GCLC: variants seen among roughly 807,000 people sequenced by gnomAD.
GCLC encodes glutamate-cysteine ligase catalytic subunit, also known as glutamate--cysteine ligase catalytic subunit.
GCLC carries 30 observed loss-of-function variants against 81.5 expected under a neutral mutation model. That is an observed-to-expected ratio of 0.37 (90% confidence interval 0.28 to 0.50). The LOEUF (loss-of-function observed/expected upper bound fraction) is 0.50, where lower values mean the gene tolerates loss of function less well. GCLC is among the 20% of genes least tolerant of loss of function. The pLI is 0.96. For synonymous variants in GCLC, 262 were observed against 273.3 expected (o/e 0.96, Z 0.41); for missense variants, 556 against 777.4 (o/e 0.72, Z 3.39).
chr6:53,521,519 C>A (rs1762994686), intron 2 of GCLC, among the ~76,000 whole-genome samples: 1 of 152,148 alleles, frequency 6.6e-6, no homozygotes, highest in Non-Finnish European at 1.5e-5. Flanking sequence ...AACTAACCTA[C>A]TCTGCAGAGA....
Position 53,498,567 on chromosome 6 carries a change from C to T in GCLC, c.*189G>A. On this transcript the variant is annotated 3_prime_UTR_variant, in exon 16 of 16. Coordinates refer to ENST00000650454, the MANE Select transcript of GCLC (RefSeq NM_001498.4). ...TACATTGTTAATCAAAAATACTTTA[C>T]TATGTACATGTACACTGTATAAACT... is the stretch of plus-strand genomic sequence containing the variant. 3 of 599,156 alleles carry T rather than the reference C, an allele frequency of 5.0e-6. No homozygotes were observed. Among genetic ancestry groups the T allele is most frequent in the South Asian group, 4.0e-5 (2 of 49,716 alleles). The allele number at this position is 599,156 out of a possible 1,614,324, so 37.1% of individuals were successfully genotyped here. A position where few individuals can be genotyped will look rare whatever the true frequency, so the allele number is the denominator to read the frequency against.
chr6:53,533,784 CT>C (rs1194565307), intron 1 of GCLC, among the ~76,000 whole-genome samples: 1 of 149,516 alleles, frequency 6.7e-6, no homozygotes, highest in Non-Finnish European at 1.5e-5. Flanking sequence ...AATTTAAGTT[CT>C]GTTTTTCTTT....
intron 15 of GCLC, among the ~76,000 whole-genome samples, chr6:53,499,318 C>T (rs1404695089): frequency 6.6e-6 from 1 of 152,136 alleles, no homozygotes; most frequent in African/African-American, 2.4e-5. Context: ...ACTACAAATG[C>T]CAGTGTCATG....
At chr6:53,502,113 A>G (rs528219448) in intron 12 of GCLC, among the ~76,000 whole-genome samples, 6 of 152,342 alleles carry the variant, frequency 3.9e-5, no homozygotes, top group African/African-American at 7.2e-5. Flanking sequence ...TATTATGTCT[A>G]CTTTTGAGAA....
At position 53,516,170 on chromosome 6, in the gene GCLC, C is replaced by T; in HGVS notation, c.499G>A (p.Gly167Arg). 3 of 1,613,920 alleles carry T rather than the reference C, an allele frequency of 1.9e-6. No individual in the cohort carries two copies. The highest frequency in any genetic ancestry group is 2.5e-6 in the Non-Finnish European group (3 of 1,179,804). The change falls in exon 4 of 16, where the codon GGA (glycine) becomes AGA (arginine). Residue 167 changes from glycine (G) to arginine (R), a missense_variant. Coordinates refer to ENST00000650454, the MANE Select transcript of GCLC (RefSeq NM_001498.4). ...LPEVKPNPVE[G>R]GASKSLFFPD... ...AAGAAGAGGGACTTGGAAGCTCCTC[C>T]TTCCACTGGGTTGGGTTTGACCTCG...
At chr6:53,523,525 G>C (rs1763033182) in intron 1 of GCLC, among the ~76,000 whole-genome samples, 1 of 152,154 alleles carries the variant, frequency 6.6e-6, no homozygotes, top group Non-Finnish European at 1.5e-5. Context: ...AAAATAAAAA[G>C]GCAGGCAACC....
intron 15 of GCLC, among the ~76,000 whole-genome samples, chr6:53,499,446 G>A (rs1400555407): frequency 6.6e-6 from 1 of 152,194 alleles, no homozygotes; most frequent in African/African-American, 2.4e-5. Flanking sequence ...CATTTGAGGG[G>A]TGAGGTAGGG....
intron 6 of GCLC, chr6:53,513,320 A>C (rs1458726180): frequency 6.6e-6 from 1 of 152,248 alleles, no homozygotes; most frequent in East Asian, 1.9e-4. Context: ...TGTGCCTCTA[A>C]GGACGCTGTT....
intron 1 of GCLC, among the ~76,000 whole-genome samples, chr6:53,542,311 GC>G (rs1421223390): frequency 6.6e-6 from 1 of 152,054 alleles, no homozygotes; most frequent in Admixed American, 6.6e-5. Flanking sequence ...TCTTTTCCAA[GC>G]CCCTTGATCT....
chr6:53,532,337 T>G (rs903070998), intron 1 of GCLC, among the ~76,000 whole-genome samples: 7 of 152,236 alleles, frequency 4.6e-5, no homozygotes, highest in African/African-American at 1.7e-4. Context: ...CATCCTGAGC[T>G]GAGATACTAA....
chr6:53,535,720 A>G (rs1425944772), intron 1 of GCLC, among the ~76,000 whole-genome samples: 1 of 152,222 alleles, frequency 6.6e-6, no homozygotes. Context: ...AAGATACTCA[A>G]CATCACTGAT....
intron 12 of GCLC, among the ~76,000 whole-genome samples, chr6:53,503,762 CTATA>C (rs1256760709): frequency 6.6e-6 from 1 of 152,080 alleles, no homozygotes; most frequent in Non-Finnish European, 1.5e-5. Context: ...TATATCTTTC[CTATA>C]TAAACTATTC....
intron 1 of GCLC, among the ~76,000 whole-genome samples, chr6:53,528,737 C>A (rs1763124738): frequency 1.3e-5 from 2 of 152,162 alleles, no homozygotes; most frequent in Admixed American, 6.5e-5. Context: ...TAGCACAGAG[C>A]AGGCTGCTTT....
chr6:53,516,001 C>A (rs920200228), intron 4 of GCLC, 108 bp downstream of exon 4: 2 of 732,252 alleles, frequency 2.7e-6, no homozygotes, highest in Admixed American at 4.0e-5. Context: ...GGAAGAGAGC[C>A]AAAACTCAGT....
rs1403289232 is a variant in GCLC at position 53,498,531 on chromosome 6, T to A, written c.*225A>T. ...AGCCAGTTCATGATGACTTTAGATA[T>A]GTTATTAAAATACATTGTTAATCAA... On this transcript the variant is annotated 3_prime_UTR_variant, in exon 16 of 16. Coordinates refer to ENST00000650454, the MANE Select transcript of GCLC (RefSeq NM_001498.4). The A allele has an allele frequency of 1.8e-6, 1 of 549,858 alleles. No individual in the cohort carries two copies. The highest frequency in any genetic ancestry group is 3.2e-5 in the Admixed American group (1 of 31,352). 34.1% of individuals were successfully genotyped at this position (549,858 alleles called of 1,614,324 possible).
rs1194848415 is a variant in GCLC at position 53,498,814 on chromosome 6, A to G, written c.1856T>C (p.Leu619Pro). 3 of 1,613,562 alleles carry G rather than the reference A, an allele frequency of 1.9e-6. No individual in the cohort carries two copies. The highest frequency in any genetic ancestry group is 2.5e-6 in the Non-Finnish European group (3 of 1,179,586). The change falls in exon 16 of 16, where the codon CTT becomes CCT. Residue 619 changes from leucine to proline, a missense_variant. Leu to Pro is a moderately conservative substitution (Grantham distance 98). Around this residue, in one of 3 missense-constraint regions of GCLC, gnomAD observed 313 missense variants for 437.3 expected, o/e 0.72. Transcript: ENST00000650454. ...TTTTACTTTCCTAAATGCTGATCCA[A>G]GTAACTCTGGGCATTCACATAATTC... ...ANELCECPEL[L>P]GSAFRKVKYS...
chr6:53,528,132 C>T (rs1205741481), intron 1 of GCLC, among the ~76,000 whole-genome samples: 1 of 152,144 alleles, frequency 6.6e-6, no homozygotes, highest in Non-Finnish European at 1.5e-5. Context: ...CATAGTGATG[C>T]TACTTAATTT....
chr6:53,506,942 C>T lies in GCLC; in HGVS notation c.1168G>A (p.Asp390Asn). The T allele has an allele frequency of 6.3e-7, 1 of 1,595,452 alleles. No homozygotes were observed. ...AAATGGTCAGACTCATTAGCATCAT[C>T]CAGGTGTATTTTCTCTTCAAACAGT... Reference protein sequence around the residue: ...LTLFEEKIHLDDANESDHFEN... With the variant: ...LTLFEEKIHLNDANESDHFEN... The change falls in exon 10 of 16, where the codon GAT (aspartate) becomes AAT (asparagine). Residue 390 changes from aspartate to asparagine, a missense_variant. Transcript: ENST00000650454. This position sits in a 1 kb window ranked among gnomAD's most constrained non-coding sequence, Gnocchi z 4.0.
chr6:53,510,842 CTAATT>C (rs1270400122), intron 6 of GCLC, among the ~76,000 whole-genome samples: 1 of 152,124 alleles, frequency 6.6e-6, no homozygotes, highest in Non-Finnish European at 1.5e-5. Context: ...CTAGTCATTA[CTAATT>C]TAATAATTAA....
Sources: gnomAD v4.1 joint callset for allele counts (sites outside exome capture counted in the v4.1 genomes callset) on GRCh38, gnomAD v4.1.1 for gene constraint, gnomAD v4.1.1 regional missense constraint, Gnocchi (gnomAD v3.1) non-coding constraint, MANE v1.5 for transcripts, NCBI Gene and HGNC (gene_info 2026-07-23, HGNC 2026-07-21) for gene names.